Variants in PILRB observed in about 807,000 individuals in gnomAD.
The protein encoded by PILRB is paired immunoglobulin-like type 2 receptor beta.
Under a neutral mutation model 20.5 loss-of-function variants are expected in PILRB, and 21 were observed. That is an observed-to-expected ratio of 1.02 (90% CI 0.72 to 1.47). The LOEUF (loss-of-function observed/expected upper bound fraction) is 1.47, where lower values mean the gene tolerates loss of function less well. PILRB is among the 40% of genes most tolerant of loss of function. PILRB has a pLI of 0.00. For missense variants in PILRB, 253 were observed against 272.1 expected (o/e 0.93, Z 0.49); for synonymous variants, 133 against 115.1 (o/e 1.16, Z -0.99).
intron 3 of PILRB, among the ~76,000 whole-genome samples, chr7:100,364,690 C>G (rs567579955): frequency 3.3e-4 from 51 of 152,346 alleles, no homozygotes; most frequent in African/African-American, 1.2e-3. Flanking sequence ...ATCCAACAAT[C>G]TCACTTCTGG....
Position 100,367,736 on chromosome 7 carries a change from C to T in PILRB, c.*359C>T. 1 of 238,478 alleles carries T rather than the reference C, an allele frequency of 4.2e-6. No homozygotes were observed. The highest frequency in any genetic ancestry group is 8.2e-6 in the Non-Finnish European group (1 of 121,494). 14.8% of individuals were successfully genotyped at this position (238,478 alleles called of 1,614,324 possible). On this transcript the variant is annotated 3_prime_UTR_variant, in exon 4 of 4. Coordinates refer to ENST00000609309, the MANE Select transcript of PILRB (RefSeq NM_178238.4). ...TACAATTTATTTTGCTTACCATACA[C>T]CCCTTTTCTCCTCGTCCACATTTTC...
chr7:100,362,033 C>T (rs1041556773), intron 3 of PILRB, among the ~76,000 whole-genome samples: 53 of 152,160 alleles, frequency 3.5e-4, no homozygotes, highest in South Asian at 1.0e-3. Flanking sequence ...CAGGAGATCA[C>T]AGAAGGTCAA....
At chr7:100,358,562 A>G (rs1790430651) in intron 1 of PILRB, 128 bp from the exon 2 acceptor site, 1 of 1,311,970 alleles carries the variant, frequency 7.6e-7, no homozygotes, top group Non-Finnish European at 1.1e-6. Context: ...GACCCAGGCC[A>G]GAGGTCAGTC....
At chr7:100,367,014 C>T (rs1290987417) in intron 3 of PILRB, among the ~76,000 whole-genome samples, 4 of 152,068 alleles carry the variant, frequency 2.6e-5, no homozygotes, top group African/African-American at 9.7e-5. Flanking sequence ...GGGCCTCAGC[C>T]TAGGGCGCAG....
At chr7:100,359,596 C>T (rs2130097988) in intron 3 of PILRB, 59 bp downstream of exon 3, 21 of 1,430,426 alleles carry the variant, frequency 1.5e-5, no homozygotes, top group East Asian at 2.3e-5. Flanking sequence ...TCTCTGAGCC[C>T]ACCTGCAGCT....
chr7:100,360,400 C>T (rs1790493657), intron 3 of PILRB, among the ~76,000 whole-genome samples: 1 of 152,162 alleles, frequency 6.6e-6, no homozygotes, highest in Admixed American at 6.5e-5. Context: ...GAGGACTTCC[C>T]ACAGGAGGTG....
In PILRB at chr7:100,367,574, G is replaced by T; in HGVS notation, c.*197G>T. ...GACTGGAGGAGAGTTACCTACAAGA[G>T]CCTTCATCCAGGAGCATCCACACTG... On this transcript the variant is annotated 3_prime_UTR_variant, in exon 4 of 4. Transcript: ENST00000609309. 3.3e-6 allele frequency: 2 copies of T among 602,192 alleles called. No homozygotes were observed. The highest frequency in any genetic ancestry group is 6.0e-6 in the Non-Finnish European group (2 of 331,416). 37.3% of individuals were successfully genotyped at this position (602,192 alleles called of 1,614,324 possible).
At chr7:100,361,177 C>T (rs1004863652) in intron 3 of PILRB, among the ~76,000 whole-genome samples, 3 of 152,062 alleles carry the variant, frequency 2.0e-5, no homozygotes, top group South Asian at 2.1e-4. Flanking sequence ...CCTCGTGATC[C>T]GCCTGCCTCG....
In PILRB at chr7:100,367,049, T is replaced by C. The variant is rs2130129930; in HGVS notation, c.656-300T>C. Reference sequence around the variant, plus strand: ...GCAGAGAAGGTGGGATGGAGACTGCTATCACCTGGATGCCACCCTGACTCA... The same window carrying C: ...GCAGAGAAGGTGGGATGGAGACTGCCATCACCTGGATGCCACCCTGACTCA... On this transcript the variant is annotated intron_variant, in intron 3 of 3. Transcript: ENST00000609309. Among the ~76,000 whole-genome samples the C allele has an allele frequency of 2.0e-5, 3 of 152,096 alleles. 1 individual carries two copies. The Middle Eastern group carries it at 0.01, about 517-fold the overall frequency.
intron 3 of PILRB, among the ~76,000 whole-genome samples, chr7:100,362,833 T>A (rs1210773655): frequency 6.6e-6 from 1 of 151,674 alleles, no homozygotes; most frequent in Non-Finnish European, 1.5e-5. Context: ...GGTAAAACAC[T>A]CCAAAACCAG....
intron 3 of PILRB, among the ~76,000 whole-genome samples, chr7:100,359,847 AC>A (rs1446674814): frequency 6.6e-6 from 1 of 152,170 alleles, no homozygotes; most frequent in Admixed American, 6.5e-5. Flanking sequence ...ACATGGTGAC[AC>A]CCCATGTCTA....
At chr7:100,363,549 C>G (rs1424976482) in intron 3 of PILRB, among the ~76,000 whole-genome samples, 1 of 152,172 alleles carries the variant, frequency 6.6e-6, no homozygotes. Context: ...AGGTGGATGA[C>G]ATTCTTGTTC....
intron 3 of PILRB, among the ~76,000 whole-genome samples, chr7:100,365,280 G>A (rs559634836): frequency 2.0e-4 from 31 of 152,190 alleles, no homozygotes; most frequent in Non-Finnish European, 4.0e-4. Flanking sequence ...GATTATAGGC[G>A]TGAGCCACTA....
chr7:100,359,991 C>T (rs1448397286), intron 3 of PILRB, among the ~76,000 whole-genome samples: 1 of 152,166 alleles, frequency 6.6e-6, no homozygotes, highest in Non-Finnish European at 1.5e-5. Context: ...CCACTGCACT[C>T]CAGCCTGGTG....
Position 100,367,445 on chromosome 7 carries a change from G to A in PILRB, c.*68G>A. ...GACGTGATGTGAGACCCGCTTGTGAGTCCTCCACACTCGTTCCCCATTGGC... is the reference window on the plus strand; with the variant it reads ...GACGTGATGTGAGACCCGCTTGTGAATCCTCCACACTCGTTCCCCATTGGC... On this transcript the variant is annotated 3_prime_UTR_variant, in exon 4 of 4. Coordinates refer to ENST00000609309, the MANE Select transcript of PILRB (RefSeq NM_178238.4). The A allele has an allele frequency of 2.6e-6, 2 of 776,536 alleles. No homozygotes were observed. Among genetic ancestry groups the A allele is most frequent in the Non-Finnish European group, 4.8e-6 (2 of 414,364 alleles). The allele number at this position is 776,536 out of a possible 1,614,324, so 48.1% of individuals were successfully genotyped here.
rs542947656 is a variant in PILRB at position 100,358,455 on chromosome 7, G to T, written c.64+89G>T. On this transcript the variant is annotated intron_variant, in intron 1 of 3. Coordinates refer to ENST00000609309, the MANE Select transcript of PILRB (RefSeq NM_178238.4). The stretch of plus-strand genomic sequence containing the variant: ...CAAAGGCAGAACATCTGGGGCAGGG[G>T]CCAGGCTCCCACCTCCAGCAAACAA... The T allele has an allele frequency of 1.7e-5, 26 of 1,498,496 alleles. No individual in the cohort carries two copies. The East Asian group carries it at 3.4e-4, about 20-fold the overall frequency. 92.8% of individuals were successfully genotyped at this position (1,498,496 alleles called of 1,614,324 possible).
chr7:100,358,166 C>G lies in PILRB; in HGVS notation c.-137C>G. ...GGTGTACTGGTTTGGGGAAGGTCCC[C>G]GGCCCCCACAGCCCTCTGGGGAGCC... On this transcript the variant is annotated 5_prime_UTR_variant, in exon 1 of 4. Coordinates refer to ENST00000609309, the MANE Select transcript of PILRB (RefSeq NM_178238.4). The G allele has an allele frequency of 2.1e-6, 2 of 947,328 alleles. No homozygotes were observed. Among genetic ancestry groups the G allele is most frequent in the Admixed American group, 1.9e-5 (1 of 51,598 alleles). The allele number at this position is 947,328 out of a possible 1,614,324, so 58.7% of individuals were successfully genotyped here.
At chr7:100,367,255 C>T in intron 3 of PILRB, 94 bp from the exon 4 acceptor site, 1 of 778,200 alleles carries the variant, frequency 1.3e-6, no homozygotes, top group South Asian at 1.3e-5. Context: ...GAGTTTTTGC[C>T]ACCTCCCACT....
chr7:100,358,920 C>T lies in PILRB; in HGVS notation c.295C>T (p.Leu99=). The stretch of plus-strand genomic sequence containing the variant: ...CAAGGATTATGTGAACCGGCTCTTT[C>T]TGAACTGGACAGAGGGTCAGGAGAG... ...IHKDYVNRLF[L]NWTEGQESGF... The change falls in exon 2 of 4, where the codon CTG becomes TTG. Residue 99 remains leucine, a synonymous_variant. Coordinates refer to ENST00000609309, the MANE Select transcript of PILRB (RefSeq NM_178238.4). 6.2e-7 allele frequency: 1 copy of T among 1,614,168 alleles called. No individual in the cohort carries two copies. The highest frequency in any genetic ancestry group is 2.2e-5 in the East Asian group (1 of 44,888).
Sources: allele counts gnomAD v4.1 joint callset (sites outside exome capture counted in the v4.1 genomes callset), GRCh38; gene constraint gnomAD v4.1.1; transcripts MANE v1.5; gene names NCBI Gene and HGNC (gene_info 2026-07-23, HGNC 2026-07-21).